SKAP2: variants seen among roughly 807,000 people sequenced by gnomAD.
The protein encoded by SKAP2 is src kinase-associated phosphoprotein 2.
A neutral mutation model predicts 54.9 loss-of-function variants in SKAP2; 28 were observed. That is an observed-to-expected ratio of 0.51 (90% confidence interval 0.38 to 0.70). The LOEUF (loss-of-function observed/expected upper bound fraction) is 0.70. Ranked by LOEUF, SKAP2 falls within the 30% of genes least tolerant of loss-of-function variation. SKAP2 has a pLI of 0.00. For synonymous variants in SKAP2, 137 were observed against 134.3 expected (o/e 1.02, Z -0.14); for missense variants, 356 against 424.1 (o/e 0.84, Z 1.41).
intron 4 of SKAP2, among the ~76,000 whole-genome samples, chr7:26,833,403 A>C (rs1184213972): frequency 6.6e-6 from 1 of 151,632 alleles, no homozygotes; most frequent in Non-Finnish European, 1.5e-5. Context: ...GTCTCAAAAA[A>C]AAAAAAAAAA....
intron 4 of SKAP2, among the ~76,000 whole-genome samples, chr7:26,804,821 A>G (rs1195842912): frequency 6.6e-6 from 1 of 152,170 alleles, no homozygotes; most frequent in African/African-American, 2.4e-5. Flanking sequence ...AATGAATAAA[A>G]TATTTTTTAA....
chr7:26,733,792 C>A (rs1245440709), intron 6 of SKAP2, among the ~76,000 whole-genome samples: 3 of 152,066 alleles, frequency 2.0e-5, no homozygotes, highest in African/African-American at 7.2e-5. Context: ...AAAATTAAAA[C>A]CATATGATGT....
chr7:26,761,916 A>G (rs1305318786), intron 4 of SKAP2, among the ~76,000 whole-genome samples: 2 of 152,210 alleles, frequency 1.3e-5, no homozygotes, highest in East Asian at 3.9e-4. Context: ...ATACATATAT[A>G]TAATAGGGTG....
chr7:26,737,432 AATTT>A (rs563946036), intron 6 of SKAP2, among the ~76,000 whole-genome samples: 39 of 152,320 alleles, frequency 2.6e-4, no homozygotes, highest in Non-Finnish European at 4.3e-4. Context: ...TAAATTAATT[AATTT>A]GTTAATCTCA....
chr7:26,681,636 T>G (rs1388140444), intron 11 of SKAP2, among the ~76,000 whole-genome samples: 3 of 152,188 alleles, frequency 2.0e-5, no homozygotes, highest in Non-Finnish European at 4.4e-5. Context: ...ACAGTGATAA[T>G]TTGGTATTTC....
At chr7:26,670,053 A>C in intron 12 of SKAP2, 38 bp downstream of exon 12, 1 of 843,934 alleles carries the variant, frequency 1.2e-6, no homozygotes, top group Non-Finnish European at 2.1e-6. Context: ...AAGAGAACAT[A>C]TGAGCTATTA....
At chr7:26,712,372 C>T (rs2127950550) in intron 9 of SKAP2, among the ~76,000 whole-genome samples, 1 of 152,304 alleles carries the variant, frequency 6.6e-6, no homozygotes, top group Middle Eastern at 3.4e-3. Flanking sequence ...AAAGCCAGAG[C>T]TCAGAGGAGA....
chr7:26,849,577 C>T (rs572205118), intron 3 of SKAP2, among the ~76,000 whole-genome samples: 1 of 150,670 alleles, frequency 6.6e-6, no homozygotes, highest in African/African-American at 2.4e-5. Context: ...CCCAGCTACT[C>T]GGGAGGCTGA....
intron 4 of SKAP2, among the ~76,000 whole-genome samples, chr7:26,762,349 T>A (rs1562601148): frequency 6.6e-6 from 1 of 152,132 alleles, no homozygotes; most frequent in Non-Finnish European, 1.5e-5. Flanking sequence ...CATATGGAAA[T>A]CTTTTTGTTC....
intron 11 of SKAP2, among the ~76,000 whole-genome samples, chr7:26,673,604 T>C (rs777396385): frequency 3.9e-5 from 6 of 151,996 alleles, no homozygotes; most frequent in Admixed American, 2.0e-4. Flanking sequence ...AAATTCAATA[T>C]CTGCAAAATG....
chr7:26,694,713 CTCTCTGAGTTAAGCAAAGAGAG>C (rs1584335557), intron 9 of SKAP2, among the ~76,000 whole-genome samples: 3 of 151,052 alleles, frequency 2.0e-5, no homozygotes, highest in East Asian at 3.9e-4. Context: ...ATTTGGCCTT[CTCTCTGAGTTAAGCAAAGAGAG>C]GAAGAATGGC....
intron 9 of SKAP2, among the ~76,000 whole-genome samples, chr7:26,695,397 G>A (rs75873076): frequency 0.011 from 1,628 of 152,208 alleles, 29 homozygotes; most frequent in African/African-American, 0.038. Flanking sequence ...ACAATTCTAT[G>A]AGGTAATTAT....
At position 26,840,096 on chromosome 7, in the gene SKAP2, CTG is replaced by C. The variant is rs768607295; in HGVS notation, c.307+3932_307+3933del. On this transcript the variant is annotated intron_variant, in intron 4 of 12. Coordinates refer to ENST00000345317, the MANE Select transcript of SKAP2 (RefSeq NM_003930.5). ...TAAAAAAAAATTTCTTCACACAAAC[CTG>C]TGTCTCGCAATGCCCACAGCCTTTC... is the stretch of plus-strand genomic sequence containing the variant. 7.6e-4 allele frequency among the ~76,000 whole-genome samples: 116 copies of C among 152,114 alleles called. 1 individual carries two copies. The highest frequency in any genetic ancestry group is 2.0e-3 in the Admixed American group (31 of 15,256).
intron 4 of SKAP2, among the ~76,000 whole-genome samples, chr7:26,806,818 G>C (rs1445982205): frequency 6.6e-6 from 1 of 152,214 alleles, no homozygotes; most frequent in East Asian, 1.9e-4. Flanking sequence ...TATGAAGACT[G>C]AGAGGTAAGG....
chr7:26,754,181 T>C (rs1387983276), intron 4 of SKAP2, among the ~76,000 whole-genome samples: 1 of 152,006 alleles, frequency 6.6e-6, no homozygotes, highest in Non-Finnish European at 1.5e-5. Flanking sequence ...CCAGCCAAGA[T>C]GGTGAAACCC....
chr7:26,728,605 T>C (rs1787758889), intron 6 of SKAP2, among the ~76,000 whole-genome samples: 1 of 152,154 alleles, frequency 6.6e-6, no homozygotes, highest in Admixed American at 6.6e-5. Context: ...GACAAATTGA[T>C]ACCAAGCACT....
chr7:26,749,018 T>C (rs1170541002), intron 4 of SKAP2, among the ~76,000 whole-genome samples: 2 of 152,204 alleles, frequency 1.3e-5, no homozygotes, highest in Non-Finnish European at 2.9e-5. Flanking sequence ...GCACTTAAGA[T>C]AACTCTTTAA....
At chr7:26,718,880 T>C (rs1288810017) in intron 9 of SKAP2, among the ~76,000 whole-genome samples, 1 of 152,114 alleles carries the variant, frequency 6.6e-6, no homozygotes, top group African/African-American at 2.4e-5. Flanking sequence ...AATAAGGATT[T>C]AAAAATTAAG....
intron 4 of SKAP2, among the ~76,000 whole-genome samples, chr7:26,753,986 A>T (rs1181557648): frequency 3.3e-5 from 5 of 152,184 alleles, no homozygotes; most frequent in Non-Finnish European, 7.3e-5. Context: ...CACCAACATG[A>T]AGAAACATAA....
Sources: gnomAD v4.1 joint callset for allele counts (sites outside exome capture counted in the v4.1 genomes callset) on GRCh38, gnomAD v4.1.1 for gene constraint, MANE v1.5 for transcripts, NCBI Gene and HGNC (gene_info 2026-07-23, HGNC 2026-07-21) for gene names.